The following NDC80 variants were observed in gnomAD, a reference collection of about 807,000 sequenced individuals.
NDC80 encodes NDC80 kinetochore complex component, also known as kinetochore protein NDC80 homolog.
In NDC80, 69 loss-of-function variants were observed where a neutral mutation model predicts 89.3. That is an observed-to-expected ratio of 0.77 (90% CI 0.64 to 0.94). The LOEUF is 0.94. NDC80 is among the 40% of genes least tolerant of loss of function. The pLI, the probability that NDC80 is intolerant of heterozygous loss-of-function variation, is 0.00. For missense variants in NDC80, 593 were observed against 739.6 expected (o/e 0.80, Z 2.30); for synonymous variants, 243 against 255.6 (o/e 0.95, Z 0.47).
chr18:2,604,219 G>A (rs966829686), intron 13 of NDC80, among the ~76,000 whole-genome samples: 9 of 152,094 alleles, frequency 5.9e-5, no homozygotes, highest in Admixed American at 2.0e-4. Flanking sequence ...TGAATACAGC[G>A]CACTGTGGAT....
chr18:2,578,171 A>G (rs111815153), intron 5 of NDC80, 30 bp downstream of exon 5: 3 of 1,571,672 alleles, frequency 1.9e-6, no homozygotes, highest in African/African-American at 1.4e-5. Flanking sequence ...GTTTAGAGAC[A>G]TGACTGGCAC....
In NDC80 at chr18:2,606,399, A is replaced by C. The variant is rs746286516; in HGVS notation, c.1465-16A>C. The C allele has an allele frequency of 1.7e-5, 27 of 1,561,340 alleles. No homozygotes were observed. Among genetic ancestry groups the C allele is most frequent in the Non-Finnish European group, 2.3e-5 (27 of 1,149,268 alleles). On this transcript the variant is annotated splice_polypyrimidine_tract_variant and intron_variant, in intron 13 of 16. Coordinates refer to ENST00000261597, the MANE Select transcript of NDC80 (RefSeq NM_006101.3). Reference sequence around the variant, plus strand: ...TGTATAGTTATGATTTCTCAACCAAAGTTTTATTTCCCCAGTTGAATGCAA... The same window carrying C: ...TGTATAGTTATGATTTCTCAACCAACGTTTTATTTCCCCAGTTGAATGCAA...
chr18:2,575,257 C>A (rs553796420), intron 3 of NDC80, among the ~76,000 whole-genome samples, 191 bp downstream of exon 3: 1 of 152,246 alleles, frequency 6.6e-6, no homozygotes, highest in South Asian at 2.1e-4. Flanking sequence ...ACATTCAGAC[C>A]ACTATTTCAT....
At chr18:2,589,955 C>A in intron 9 of NDC80, 63 bp from the exon 10 acceptor site, 2 of 1,112,694 alleles carry the variant, frequency 1.8e-6, no homozygotes, top group Non-Finnish European at 1.2e-6. Flanking sequence ...TATTGCTTTA[C>A]TTTAAAATAA....
chr18:2,579,024 A>G lies in NDC80; in HGVS notation c.574A>G (p.Ile192Val). ...VAALVWLIDC[I>V]KIHTAMKESS... ...AGCCTTAGTTTGGCTAATAGACTGC[A>G]TCAAGGTATTTGATTTGTTCTTTTG... The change falls in exon 6 of 17, where the codon ATC (isoleucine) becomes GTC (valine). Residue 192 changes from isoleucine (I) to valine (V), a missense_variant. Transcript: ENST00000261597. The G allele has an allele frequency of 6.5e-7, 1 of 1,530,058 alleles. No individual in the cohort carries two copies. Among genetic ancestry groups the G allele is most frequent in the Non-Finnish European group, 8.8e-7 (1 of 1,137,130 alleles). The allele number at this position is 1,530,058 out of a possible 1,614,324, so 94.8% of individuals were successfully genotyped here. A position where few individuals can be genotyped will look rare whatever the true frequency, so the allele number is the denominator to read the frequency against.
intron 11 of NDC80, among the ~76,000 whole-genome samples, chr18:2,595,980 T>C (rs1348035345): frequency 6.6e-6 from 1 of 152,232 alleles, no homozygotes; most frequent in East Asian, 1.9e-4. Flanking sequence ...GTGTCACTTA[T>C]GCTAGGCATA....
intron 7 of NDC80, 25 bp from the exon 8 acceptor site, chr18:2,587,805 T>C (rs1325073386): frequency 2.5e-6 from 4 of 1,570,340 alleles, no homozygotes; most frequent in Non-Finnish European, 3.5e-6. Flanking sequence ...ATAACTTTGT[T>C]TCTAAAATCT....
At position 2,578,088 on chromosome 18, in the gene NDC80, A is replaced by T; in HGVS notation, c.423A>T (p.Glu141Asp). ...FLYGFLCPSY[E>D]LPDTKFEEEV... is the part of the protein sequence containing the mutation. Reference sequence around the variant, plus strand: ...ATGGCTTCCTGTGCCCCTCATACGAACTTCCTGACACAAAGTTTGAAGAAG... The same window carrying T: ...ATGGCTTCCTGTGCCCCTCATACGATCTTCCTGACACAAAGTTTGAAGAAG... Residue 141 changes from glutamate (E) to aspartate (D), a missense_variant, in exon 5 of 17, where the codon GAA (glutamate) becomes GAT (aspartate). Transcript: ENST00000261597. 6.2e-7 allele frequency: 1 copy of T among 1,614,060 alleles called. No homozygotes were observed. The highest frequency in any genetic ancestry group is 2.2e-5 in the East Asian group (1 of 44,856).
At position 2,585,209 on chromosome 18, in the gene NDC80, T is replaced by A. The variant is rs2072597745; in HGVS notation, c.669+7T>A. On this transcript the variant is annotated splice_region_variant and intron_variant, in intron 7 of 16. Coordinates refer to ENST00000261597, the MANE Select transcript of NDC80 (RefSeq NM_006101.3). ...TGGAATTATGCATAATAAGGTACCA[T>A]GTATTATCATAAACTGTAATAATGA... is the stretch of plus-strand genomic sequence containing the variant. 6.3e-7 allele frequency: 1 copy of A among 1,588,918 alleles called. No individual in the cohort carries two copies. Among genetic ancestry groups the A allele is most frequent in the South Asian group, 1.1e-5 (1 of 90,578 alleles).
intron 15 of NDC80, 89 bp from the exon 16 acceptor site, chr18:2,610,670 T>C: frequency 6.5e-6 from 5 of 766,338 alleles, no homozygotes; most frequent in Non-Finnish European, 1.0e-5. Context: ...GTTTGGTTTT[T>C]TTGAATGTGG....
At chr18:2,571,752 A>T (rs1293172090) in intron 1 of NDC80, 69 bp downstream of exon 1, 3 of 152,220 alleles carry the variant, frequency 2.0e-5, no homozygotes, top group Non-Finnish European at 4.4e-5. Context: ...TGATGGCGCC[A>T]ATGACTTAAA....
At chr18:2,590,196 G>A (rs200164537) in intron 10 of NDC80, 34 bp downstream of exon 10, 95 of 1,530,636 alleles carry the variant, frequency 6.2e-5, no homozygotes, top group Non-Finnish European at 8.0e-5. Context: ...ACTGGGATGC[G>A]AACCTGTGTG....
chr18:2,616,266 C>T (rs528955350), intron 16 of NDC80, among the ~76,000 whole-genome samples, 171 bp from the exon 17 acceptor site: 1 of 152,148 alleles, frequency 6.6e-6, no homozygotes, highest in Non-Finnish European at 1.5e-5. Context: ...CTCAAGTGAT[C>T]CACCCACCTC....
At chr18:2,591,174 T>C (rs1277200372) in intron 10 of NDC80, among the ~76,000 whole-genome samples, 11 of 152,226 alleles carry the variant, frequency 7.2e-5, no homozygotes, top group Admixed American at 7.2e-4. Context: ...ACTACAGTTC[T>C]CGGGGAAAAG....
intron 7 of NDC80, 86 bp downstream of exon 7, chr18:2,585,288 T>A: frequency 9.7e-7 from 1 of 1,027,240 alleles, no homozygotes; most frequent in Non-Finnish European, 1.5e-6. Flanking sequence ...GCCCCTCGAC[T>A]TATGATAGAG....
chr18:2,577,612 A>G (rs972634402), intron 3 of NDC80, 134 bp from the exon 4 acceptor site: 10 of 958,832 alleles, frequency 1.0e-5, no homozygotes, highest in South Asian at 1.7e-5. Flanking sequence ...TCTGCTTTAA[A>G]TAAGAGAATT....
chr18:2,583,697 C>CA (rs377184384), intron 6 of NDC80, among the ~76,000 whole-genome samples: 48,399 of 116,302 alleles, frequency 0.42, 8,649 homozygotes, highest in Middle Eastern at 0.5. Context: ...GACTCCGTCT[C>CA]AAAAAAAAAA....
At chr18:2,572,573 T>A (rs1472160198) in intron 1 of NDC80, among the ~76,000 whole-genome samples, 1 of 152,202 alleles carries the variant, frequency 6.6e-6, no homozygotes, top group Non-Finnish European at 1.5e-5. Context: ...AATAAGAGAA[T>A]TTGAGGTAAT....
chr18:2,577,613 T>G (rs2072553819), intron 3 of NDC80, 133 bp from the exon 4 acceptor site: 1 of 959,936 alleles, frequency 1.0e-6, no homozygotes, highest in Admixed American at 2.5e-5. Flanking sequence ...CTGCTTTAAA[T>G]AAGAGAATTC....
Sources: allele counts gnomAD v4.1 joint callset (sites outside exome capture counted in the v4.1 genomes callset), GRCh38; gene constraint gnomAD v4.1.1; transcripts MANE v1.5; gene names NCBI Gene and HGNC (gene_info 2026-07-23, HGNC 2026-07-21).